SUGCT: variants seen among roughly 807,000 people sequenced by gnomAD.
SUGCT encodes succinyl-CoA:glutarate CoA-transferase.
SUGCT carries 41 observed loss-of-function variants against 55.0 expected under a neutral mutation model. The observed-to-expected ratio is 0.74, with a 90% CI of 0.58 to 0.97. The LOEUF (loss-of-function observed/expected upper bound fraction) is 0.97. SUGCT is among the 50% of genes least tolerant of loss of function. The pLI is 0.00. For missense variants in SUGCT, 568 were observed against 547.8 expected (o/e 1.04, Z -0.37); for synonymous variants, 187 against 200.4 (o/e 0.93, Z 0.56).
At chr7:40,697,018 T>G (rs1784962151) in intron 12 of SUGCT, among the ~76,000 whole-genome samples, 1 of 152,154 alleles carries the variant, frequency 6.6e-6, no homozygotes. Context: ...GCATAAATAT[T>G]TGCACTGCGG....
intron 9 of SUGCT, among the ~76,000 whole-genome samples, chr7:40,386,526 T>C (rs1344698130): frequency 6.6e-6 from 1 of 152,230 alleles, no homozygotes; most frequent in East Asian, 1.9e-4. Flanking sequence ...AGAGGCATAC[T>C]GGAGTTTTGG....
chr7:40,585,097 T>C (rs1797306084), intron 12 of SUGCT, among the ~76,000 whole-genome samples: 2 of 152,174 alleles, frequency 1.3e-5, no homozygotes, highest in African/African-American at 2.4e-5. Context: ...CTGGCAGTTG[T>C]AGGTGGATTC....
At chr7:40,857,668 C>T (rs10255986) in intron 13 of SUGCT, among the ~76,000 whole-genome samples, 28,042 of 151,880 alleles carry the variant, frequency 0.18, 3,710 homozygotes, top group East Asian at 0.69. Context: ...AAAGTCCAGG[C>T]GCTTAGTACT....
intron 12 of SUGCT, among the ~76,000 whole-genome samples, chr7:40,657,597 C>T (rs1801084132): frequency 6.6e-6 from 1 of 151,978 alleles, no homozygotes; most frequent in Non-Finnish European, 1.5e-5. Flanking sequence ...TGCAATGGCG[C>T]AGTCTCGGCT....
At chr7:40,674,840 G>A (rs991433929) in intron 12 of SUGCT, among the ~76,000 whole-genome samples, 2 of 152,044 alleles carry the variant, frequency 1.3e-5, no homozygotes, top group Non-Finnish European at 2.9e-5. Flanking sequence ...AGAAAATCAA[G>A]TCAGTGATTT....
the SUGCT span, among the ~76,000 whole-genome samples, chr7:41,011,211 G>A: frequency 6.6e-6 from 1 of 152,194 alleles, no homozygotes; most frequent in Non-Finnish European, 1.5e-5. Flanking sequence ...CAGCCATCCA[G>A]ATGAGATCAG....
chr7:40,575,119 C>CGGGGGG (rs1210366162), intron 12 of SUGCT, among the ~76,000 whole-genome samples: 3 of 99,152 alleles, frequency 3.0e-5, no homozygotes, highest in African/African-American at 1.4e-4. Context: ...AGGAGGGTGG[C>CGGGGGG]GGGGGTGGGG....
intron 8 of SUGCT, among the ~76,000 whole-genome samples, chr7:40,308,989 A>C (rs1198452215): frequency 6.6e-6 from 1 of 152,206 alleles, no homozygotes; most frequent in Non-Finnish European, 1.5e-5. Flanking sequence ...CCTGGGCAAC[A>C]GAGTTAGACT....
chr7:40,514,697 C>T (rs769556460), intron 12 of SUGCT, among the ~76,000 whole-genome samples: 17 of 118,004 alleles, frequency 1.4e-4, no homozygotes, highest in Non-Finnish European at 1.8e-4. Context: ...GCAACAAGAG[C>T]GAAACTCCGT....
chr7:40,842,433 T>A (rs1053557066), intron 13 of SUGCT, among the ~76,000 whole-genome samples: 4 of 152,178 alleles, frequency 2.6e-5, no homozygotes, highest in Admixed American at 2.0e-4. Context: ...CCTATTACTG[T>A]CATACTAAAA....
chr7:40,514,238 A>T (rs1372284581), intron 12 of SUGCT, among the ~76,000 whole-genome samples: 2 of 151,972 alleles, frequency 1.3e-5, no homozygotes, highest in African/African-American at 4.8e-5. Context: ...CACAGTCCTG[A>T]TGTAGAGTCA....
intron 3 of SUGCT, among the ~76,000 whole-genome samples, chr7:40,182,932 T>C (rs1785298488): frequency 1.3e-5 from 2 of 151,896 alleles, no homozygotes; most frequent in South Asian, 4.1e-4. Context: ...AGTGAAGAAA[T>C]AGGGTACAGA....
intron 13 of SUGCT, among the ~76,000 whole-genome samples, chr7:40,767,356 A>G (rs1356919772): frequency 3.3e-5 from 5 of 152,244 alleles, no homozygotes. Context: ...AGAAAACTAT[A>G]TGGTATTCCT....
At chr7:40,240,678 A>G (rs559143507) in intron 7 of SUGCT, among the ~76,000 whole-genome samples, 1 of 152,320 alleles carries the variant, frequency 6.6e-6, no homozygotes, top group Non-Finnish European at 1.5e-5. Context: ...ATTGCCAATT[A>G]TATCCATTGC....
chr7:40,492,806 C>T (rs1011310220), intron 11 of SUGCT, among the ~76,000 whole-genome samples: 2 of 152,118 alleles, frequency 1.3e-5, no homozygotes, highest in East Asian at 1.9e-4. Context: ...GTTGTTTCTT[C>T]GTAACTTTGT....
chr7:40,817,185 G>T (rs759068340), intron 13 of SUGCT, among the ~76,000 whole-genome samples: 1 of 152,126 alleles, frequency 6.6e-6, no homozygotes, highest in East Asian at 1.9e-4. Flanking sequence ...ATAGTAGTAA[G>T]TACCTATAGT....
chr7:40,337,738 G>T (rs1796797542), intron 9 of SUGCT, among the ~76,000 whole-genome samples: 1 of 152,018 alleles, frequency 6.6e-6, no homozygotes. Context: ...GGAGTATTTA[G>T]CCCATTTACA....
At chr7:40,368,705 G>C (rs1046919355) in intron 9 of SUGCT, among the ~76,000 whole-genome samples, 1 of 152,142 alleles carries the variant, frequency 6.6e-6, no homozygotes, top group East Asian at 1.9e-4. Flanking sequence ...TGAAATGAAA[G>C]GAAGTCCATT....
At chr7:40,772,713 G>T (rs538486115) in intron 13 of SUGCT, among the ~76,000 whole-genome samples, 1 of 151,398 alleles carries the variant, frequency 6.6e-6, no homozygotes, top group Non-Finnish European at 1.5e-5. Flanking sequence ...CACTGCAGCC[G>T]CAACCTCCCT....
Sources: allele counts gnomAD v4.1 joint callset (sites outside exome capture counted in the v4.1 genomes callset), GRCh38; gene constraint gnomAD v4.1.1; transcripts MANE v1.5; gene names NCBI Gene and HGNC (gene_info 2026-07-23, HGNC 2026-07-21).